DNAJC1: variants seen among roughly 807,000 people sequenced by gnomAD.
The protein encoded by DNAJC1 is DnaJ heat shock protein family (Hsp40) member C1.
DNAJC1 carries 58 observed loss-of-function variants against 76.6 expected under a neutral mutation model. That is an observed-to-expected ratio of 0.76 (90% CI 0.61 to 0.94). The LOEUF (loss-of-function observed/expected upper bound fraction) is 0.94, where lower values mean the gene tolerates loss of function less well. Ranked by LOEUF, DNAJC1 falls within the 40% of genes least tolerant of loss-of-function variation. The pLI is 0.00. For synonymous variants in DNAJC1, 258 were observed against 267.9 expected, an observed-to-expected ratio of 0.96 and a Z score of 0.36; for missense variants, 689 against 677.3, an observed-to-expected ratio of 1.02 and a Z score of -0.19.
intron 8 of DNAJC1, among the ~76,000 whole-genome samples, chr10:21,842,340 T>G (rs1198225720): frequency 1.3e-5 from 2 of 150,940 alleles, no homozygotes; most frequent in African/African-American, 2.4e-5. Context: ...CATGAGATAA[T>G]AAGAGATTGG....
intron 3 of DNAJC1, among the ~76,000 whole-genome samples, chr10:21,925,845 T>C (rs910721974): frequency 5.3e-5 from 8 of 152,346 alleles, no homozygotes; most frequent in Middle Eastern, 3.4e-3. Context: ...GTTCTAAAAC[T>C]GGACTGTGAT....
At chr10:21,871,751 G>A (rs1229564718) in intron 8 of DNAJC1, among the ~76,000 whole-genome samples, 2 of 151,690 alleles carry the variant, frequency 1.3e-5, no homozygotes, top group African/African-American at 4.9e-5. Context: ...GGGTTCAGAC[G>A]CTTCTTGTGG....
chr10:21,985,116 A>AC (rs1838221141), intron 1 of DNAJC1, among the ~76,000 whole-genome samples: 1 of 152,160 alleles, frequency 6.6e-6, no homozygotes, highest in Non-Finnish European at 1.5e-5. Context: ...TAAGAGTATA[A>AC]TTCATTTTAA....
intron 8 of DNAJC1, among the ~76,000 whole-genome samples, chr10:21,842,715 C>G (rs986587676): frequency 1.3e-5 from 2 of 152,110 alleles, no homozygotes; most frequent in African/African-American, 4.8e-5. Flanking sequence ...CAGAGGATGA[C>G]GGAGTACAGT....
intron 9 of DNAJC1, among the ~76,000 whole-genome samples, chr10:21,798,249 G>A (rs1452466592): frequency 1.3e-5 from 2 of 152,194 alleles, no homozygotes; most frequent in Non-Finnish European, 2.9e-5. Context: ...AAGGACAACT[G>A]AAATAGCCTC....
rs567581605 is a variant in DNAJC1, at chr10:21,839,966, T to C, written c.979-33867A>G. On this transcript the variant is annotated intron_variant, in intron 8 of 11. Transcript: ENST00000376980. ...TTCAACATACGCAAATCAATAAATG[T>C]AATCCAACATATAAACAGAACCAAA... 4.6e-5 allele frequency among the ~76,000 whole-genome samples: 7 copies of C among 152,332 alleles called. No homozygotes were observed. In the South Asian group the frequency reaches 1.2e-3, roughly 27 times the overall value.
intron 1 of DNAJC1, among the ~76,000 whole-genome samples, chr10:21,960,684 C>T (rs1837776712): frequency 6.6e-6 from 1 of 152,134 alleles, no homozygotes; most frequent in South Asian, 2.1e-4. Flanking sequence ...AGGGAAGACC[C>T]TGCCTCCAAA....
At chr10:21,851,572 G>A (rs978263595) in intron 8 of DNAJC1, among the ~76,000 whole-genome samples, 1 of 152,158 alleles carries the variant, frequency 6.6e-6, no homozygotes, top group South Asian at 2.1e-4. Context: ...TGGAAAACAG[G>A]TTGATGGTAC....
chr10:21,871,769 T>A (rs1836108258), intron 8 of DNAJC1, among the ~76,000 whole-genome samples: 3 of 151,896 alleles, frequency 2.0e-5, no homozygotes, highest in Non-Finnish European at 2.9e-5. Flanking sequence ...TGGTTAAGCC[T>A]CCTGAGGAGC....
At chr10:21,888,738 G>T (rs973186184) in intron 7 of DNAJC1, among the ~76,000 whole-genome samples, 4 of 152,066 alleles carry the variant, frequency 2.6e-5, no homozygotes, top group African/African-American at 9.7e-5. Flanking sequence ...GAACTTATGA[G>T]CACAAAGAAG....
At chr10:21,947,936 C>A (rs932093361) in intron 1 of DNAJC1, among the ~76,000 whole-genome samples, 5 of 152,008 alleles carry the variant, frequency 3.3e-5, no homozygotes, top group African/African-American at 1.2e-4. Flanking sequence ...CAAATTATTT[C>A]TAATAATTTA....
At chr10:21,946,130 T>C (rs987440274) in intron 1 of DNAJC1, among the ~76,000 whole-genome samples, 2 of 121,678 alleles carry the variant, frequency 1.6e-5, no homozygotes, top group African/African-American at 3.2e-5. Flanking sequence ...AATCTCCACC[T>C]CCCTGGTTCA....
rs1397745640 is a variant in DNAJC1 at position 21,837,852 on chromosome 10, G to A, written c.979-31753C>T. On this transcript the variant is annotated intron_variant, in intron 8 of 11. Coordinates refer to ENST00000376980, the MANE Select transcript of DNAJC1 (RefSeq NM_022365.4). Reference sequence around the variant, plus strand: ...GGGGGCAGCCCCCGCCTGGCCAGCCGCCCCGTCCGGGAGGGAGGTGGGGGG... The same window carrying A: ...GGGGGCAGCCCCCGCCTGGCCAGCCACCCCGTCCGGGAGGGAGGTGGGGGG... Among the ~76,000 whole-genome samples, 9 of 138,328 alleles carry A rather than the reference G, an allele frequency of 6.5e-5. 1 individual carries two copies. The East Asian group carries it at 6.5e-4, about 10-fold the overall frequency. 90.7% of individuals were successfully genotyped at this position (138,328 alleles called of 152,430 possible).
chr10:22,002,781 G>A (rs1838541834), intron 1 of DNAJC1, among the ~76,000 whole-genome samples: 1 of 151,986 alleles, frequency 6.6e-6, no homozygotes, highest in African/African-American at 2.4e-5. Flanking sequence ...ATCGGTGGAA[G>A]ATGACAGTTT....
chr10:21,891,751 C>T (rs1032937877), intron 7 of DNAJC1, among the ~76,000 whole-genome samples: 1 of 152,138 alleles, frequency 6.6e-6, no homozygotes, highest in Non-Finnish European at 1.5e-5. Context: ...ACCAAGACAT[C>T]CTGAGATGAA....
Position 21,855,183 on chromosome 10 carries a change from C to G in DNAJC1, c.978+27099G>C, listed in dbSNP as rs566474410. Among the ~76,000 whole-genome samples the G allele has an allele frequency of 2.6e-5, 4 of 152,166 alleles. No individual in the cohort carries two copies. The East Asian group carries it at 5.8e-4, about 22-fold the overall frequency. On this transcript the variant is annotated intron_variant, in intron 8 of 11. Transcript: ENST00000376980. ...ATAGGATTTTAATAAAGCAAGAATACAAAACACATAAACAGTGAATAAACA... is the reference window on the plus strand; with the variant it reads ...ATAGGATTTTAATAAAGCAAGAATAGAAAACACATAAACAGTGAATAAACA...
rs571603741 is a variant in DNAJC1, at chr10:21,912,592, T to C, written c.729+6187A>G. 1.1e-4 allele frequency among the ~76,000 whole-genome samples: 16 copies of C among 152,264 alleles called. No individual in the cohort carries two copies. The South Asian group carries it at 3.3e-3, about 32-fold the overall frequency. On this transcript the variant is annotated intron_variant, in intron 6 of 11. Transcript: ENST00000376980. The stretch of plus-strand genomic sequence containing the variant: ...TTCTCCATCTATTTTCATTTGTTTA[T>C]GTATTTCCTGTGTCAGGTTTCTGTA...
At chr10:21,803,671 G>A (rs1022609683) in intron 9 of DNAJC1, 3 of 212,372 alleles carry the variant, frequency 1.4e-5, no homozygotes, top group African/African-American at 7.1e-5. Flanking sequence ...TGGGGGACAG[G>A]AGAGTTATTG....
At chr10:21,822,540 G>A (rs970740859) in intron 8 of DNAJC1, among the ~76,000 whole-genome samples, 3 of 152,138 alleles carry the variant, frequency 2.0e-5, no homozygotes, top group Middle Eastern at 3.4e-3. Flanking sequence ...AGAAAAAACT[G>A]AGACCTACAA....
Sources: allele counts gnomAD v4.1 joint callset (sites outside exome capture counted in the v4.1 genomes callset), GRCh38; gene constraint gnomAD v4.1.1; transcripts MANE v1.5; gene names NCBI Gene and HGNC (gene_info 2026-07-23, HGNC 2026-07-21).